Variants in CARD14 observed in about 807,000 individuals in gnomAD.
The protein encoded by CARD14 is caspase recruitment domain-containing protein 14.
In CARD14, 107 loss-of-function variants were observed where a neutral mutation model predicts 111.5. The observed-to-expected ratio is 0.96, with a 90% CI of 0.82 to 1.13. The LOEUF is 1.13. Among genes scored for constraint, CARD14 ranks in the 50% most tolerant of loss-of-function variants. The pLI, the probability that CARD14 is intolerant of heterozygous loss-of-function variation, is 0.00. For missense variants in CARD14, 1,322 were observed against 1,362.3 expected (o/e 0.97, Z 0.47); for synonymous variants, 617 against 579.6 (o/e 1.06, Z -0.93).
In CARD14 at chr17:80,192,605, G is replaced by A. The variant is rs760691842; in HGVS notation, c.1342G>A (p.Val448Ile). The A allele has an allele frequency of 3.5e-5, 56 of 1,612,614 alleles. No individual in the cohort carries two copies. The highest frequency in any genetic ancestry group is 1.7e-4 in the Middle Eastern group (1 of 5,918). ...CPRDDSDCSL[V>I]SSTESQLLSD... ...CAGAGACGACAGCGACTGCAGCCTC[G>A]TCAGCTCCACAGAGGTACGGCCGCT... The change falls in exon 12 of 24, where the codon GTC becomes ATC. Residue 448 changes from valine to isoleucine, a missense_variant. Coordinates refer to ENST00000648509, the MANE Select transcript of CARD14 (RefSeq NM_001366385.1).
At position 80,202,373 on chromosome 17, in the gene CARD14, C is replaced by T. The variant is rs141122143; in HGVS notation, c.2172C>T (p.Tyr724=). 12 of 1,613,254 alleles carry T rather than the reference C, an allele frequency of 7.4e-6. No individual in the cohort carries two copies. In the African/African-American group the frequency reaches 1.1e-4, roughly 14 times the overall value. Residue 724 remains tyrosine (Y), a synonymous_variant, in exon 18 of 24, where the codon TAC becomes TAT. Coordinates refer to ENST00000648509, the MANE Select transcript of CARD14 (RefSeq NM_001366385.1). ...GGCATGCCCACCGCGTGAACTCTTA[C>T]ACCATGAAGGATACTGCCGCGCACG... ...GCWHAHRVNS[Y]TMKDTAAHGT...
At chr17:80,190,250 C>G (rs1352941169) in intron 9 of CARD14, among the ~76,000 whole-genome samples, 1 of 152,020 alleles carries the variant, frequency 6.6e-6, no homozygotes, top group Non-Finnish European at 1.5e-5. Context: ...ATGCAACATC[C>G]CCTCATTGTT....
At chr17:80,177,796 T>A (rs565429486) in intron 2 of CARD14, among the ~76,000 whole-genome samples, 1 of 152,214 alleles carries the variant, frequency 6.6e-6, no homozygotes, top group South Asian at 2.1e-4. Flanking sequence ...CTGCCCGCCT[T>A]GGCCTTTCAA....
Position 80,203,758 on chromosome 17 carries a change from C to T in CARD14, c.2220-64C>T. The T allele has an allele frequency of 7.4e-7, 1 of 1,344,912 alleles. No homozygotes were observed. Among genetic ancestry groups the T allele is most frequent in the Non-Finnish European group, 1.0e-6 (1 of 967,942 alleles). 83.3% of individuals were successfully genotyped at this position (1,344,912 alleles called of 1,614,324 possible). Reference sequence around the variant, plus strand: ...ATCTCCCCCACTCTCCCCTGCTCGGCTCTCCCCTGCCCTGCTCACCTGGCA... The same window carrying T: ...ATCTCCCCCACTCTCCCCTGCTCGGTTCTCCCCTGCCCTGCTCACCTGGCA... On this transcript the variant is annotated intron_variant, in intron 18 of 23. Transcript: ENST00000648509. This position sits in a 1 kb window ranked among gnomAD's most constrained non-coding sequence, Gnocchi z 4.6.
chr17:80,183,836 T>TCACATGCTCACCTACCCACCTGCC, intron 6 of CARD14, 77 bp from the exon 7 acceptor site: 1 of 1,206,140 alleles, frequency 8.3e-7, no homozygotes, highest in Non-Finnish European at 1.1e-6. Flanking sequence ...GCCCACCTGC[T>TCACATGCTCACCTACCCACCTGCC]CACCTGCTCA....
Position 80,198,927 on chromosome 17 carries a change from G to A in CARD14, c.1851+336G>A, listed in dbSNP as rs565311057. On this transcript the variant is annotated intron_variant, in intron 16 of 23. Coordinates refer to ENST00000648509, the MANE Select transcript of CARD14 (RefSeq NM_001366385.1). The surrounding 1 kb of genome is among the most constrained non-coding windows in gnomAD (Gnocchi z 7.5). The stretch of plus-strand genomic sequence containing the variant: ...CATAAAATTCACTATTTTAACCACT[G>A]GGGCATTTCTTTTCTTTCTTTTTTT... 3.3e-5 allele frequency: 40 copies of A among 1,196,348 alleles called. No homozygotes were observed. Among genetic ancestry groups the A allele is most frequent in the African/African-American group, 1.1e-4 (7 of 63,390 alleles). 74.1% of individuals were successfully genotyped at this position (1,196,348 alleles called of 1,614,324 possible). A position where few individuals can be genotyped will look rare whatever the true frequency, so the allele number is the denominator to read the frequency against.
intron 4 of CARD14, among the ~76,000 whole-genome samples, 185 bp downstream of exon 4, chr17:80,179,486 C>A (rs985383295): frequency 1.3e-5 from 2 of 152,144 alleles, no homozygotes; most frequent in Admixed American, 6.5e-5. Context: ...GCTGTCTGCA[C>A]GAAGTATCAT....
At position 80,205,220 on chromosome 17, in the gene CARD14, G is replaced by A. The variant is rs193239400; in HGVS notation, c.2569+15G>A. 90 of 1,604,058 alleles carry A rather than the reference G, an allele frequency of 5.6e-5. No homozygotes were observed. The East Asian group carries it at 2.0e-3, about 35-fold the overall frequency. ...GTGCCTGGCAGGTATGCTGTTGCCT[G>A]GGAATCCCTCTACCCCTTCCACCTT... On this transcript the variant is annotated intron_variant, in intron 21 of 23. Coordinates refer to ENST00000648509, the MANE Select transcript of CARD14 (RefSeq NM_001366385.1).
At position 80,182,633 on chromosome 17, in the gene CARD14, A is replaced by T; in HGVS notation, c.212-20A>T. 6.2e-7 allele frequency: 1 copy of T among 1,613,522 alleles called. No individual in the cohort carries two copies. The highest frequency in any genetic ancestry group is 8.5e-7 in the Non-Finnish European group (1 of 1,179,794). ...CTTGGTAGCTGGGTTCTGCCCAGAC[A>T]GACGGTTCTGCCTCCCAAGGGCACT... On this transcript the variant is annotated intron_variant, in intron 5 of 23. Coordinates refer to ENST00000648509, the MANE Select transcript of CARD14 (RefSeq NM_001366385.1). This position sits in a 1 kb window ranked among gnomAD's most constrained non-coding sequence, Gnocchi z 4.7.
In CARD14 at chr17:80,177,059, G is replaced by A. The variant is rs117438978; in HGVS notation, c.-366-1449G>A. Among the ~76,000 whole-genome samples, 92 of 152,300 alleles carry A rather than the reference G, an allele frequency of 6.0e-4. 1 individual carries two copies. The East Asian group carries it at 0.015, about 24-fold the overall frequency. Reference sequence around the variant, plus strand: ...GGCCAGAAGTCCACACTCCAGGGGTGAGCAGGGCCGCACCCCCATGAAGGC... The same window carrying A: ...GGCCAGAAGTCCACACTCCAGGGGTAAGCAGGGCCGCACCCCCATGAAGGC... On this transcript the variant is annotated intron_variant, in intron 2 of 23. Coordinates refer to ENST00000648509, the MANE Select transcript of CARD14 (RefSeq NM_001366385.1).
At position 80,198,519 on chromosome 17, in the gene CARD14, C is replaced by G; in HGVS notation, c.1779C>G (p.Ile593Met). 6 of 1,613,284 alleles carry G rather than the reference C, an allele frequency of 3.7e-6. No individual in the cohort carries two copies. The highest frequency in any genetic ancestry group is 4.2e-6 in the Non-Finnish European group (5 of 1,179,926). ...ISVIGGNLTG[I>M]FIHRVTPGSA... Reference sequence around the variant, plus strand: ...TCATCGGCGGGAACCTCACGGGCATCTTCATCCACCGGGTCACCCCGGGCT... The same window carrying G: ...TCATCGGCGGGAACCTCACGGGCATGTTCATCCACCGGGTCACCCCGGGCT... The change falls in exon 16 of 24, where the codon ATC (isoleucine) becomes ATG (methionine). Residue 593 changes from isoleucine (I) to methionine (M), a missense_variant. Ile to Met is a conservative substitution (Grantham distance 10). Coordinates refer to ENST00000648509, the MANE Select transcript of CARD14 (RefSeq NM_001366385.1). This position sits in a 1 kb window ranked among gnomAD's most constrained non-coding sequence, Gnocchi z 7.5.
At chr17:80,199,396 A>G (rs990932134) in intron 16 of CARD14, among the ~76,000 whole-genome samples, 8 of 151,666 alleles carry the variant, frequency 5.3e-5, no homozygotes, top group African/African-American at 1.5e-4. Flanking sequence ...GATGTGGCCT[A>G]AAAGCAGAAT....
In CARD14 at chr17:80,201,396, A is replaced by G. The variant is rs1169282628; in HGVS notation, c.1852-348A>G. ...AGCACAGAATGATCCCAAGGCTAAGAAACCTCTATCTAGAATGCTCTTGAA... is the reference window on the plus strand; with the variant it reads ...AGCACAGAATGATCCCAAGGCTAAGGAACCTCTATCTAGAATGCTCTTGAA... On this transcript the variant is annotated intron_variant, in intron 16 of 23. Transcript: ENST00000648509. The surrounding 1 kb of genome is among the most constrained non-coding windows in gnomAD (Gnocchi z 5.0). The G allele has an allele frequency of 3.8e-6, 1 of 261,800 alleles. No homozygotes were observed. The highest frequency in any genetic ancestry group is 2.3e-5 in the African/African-American group (1 of 42,686). 16.2% of individuals were successfully genotyped at this position (261,800 alleles called of 1,614,324 possible). A position where few individuals can be genotyped will look rare whatever the true frequency, so the allele number is the denominator to read the frequency against.
At chr17:80,205,485 C>A (rs1284492194) in intron 21 of CARD14, 46 bp from the exon 22 acceptor site, 1 of 1,564,838 alleles carries the variant, frequency 6.4e-7, no homozygotes. Flanking sequence ...TCCCCCAGAC[C>A]CCCACACAGC....
chr17:80,205,725 G>A, intron 22 of CARD14, 73 bp downstream of exon 22: 8 of 1,448,044 alleles, frequency 5.5e-6, no homozygotes, highest in Non-Finnish European at 7.3e-6. Context: ...AGGGGGATGA[G>A]ATAAAGGTAC....
chr17:80,181,708 C>A, intron 5 of CARD14, 59 bp downstream of exon 5: 4 of 1,415,528 alleles, frequency 2.8e-6, no homozygotes, highest in Non-Finnish European at 3.8e-6. Context: ...CATGGCTCCA[C>A]TGTCTGCCTC....
At chr17:80,196,425 A>C (rs755340) in intron 14 of CARD14, 1 of 152,118 alleles carries the variant, frequency 6.6e-6, no homozygotes, top group African/African-American at 2.4e-5. Context: ...AGATGAGAAG[A>C]GGGGCTTATT....
chr17:80,208,396 G>T lies in CARD14; in HGVS notation c.*51G>T. 6.8e-7 allele frequency: 1 copy of T among 1,474,300 alleles called. No homozygotes were observed. Among genetic ancestry groups the T allele is most frequent in the Non-Finnish European group, 9.2e-7 (1 of 1,088,906 alleles). 91.3% of individuals were successfully genotyped at this position (1,474,300 alleles called of 1,614,324 possible). On this transcript the variant is annotated 3_prime_UTR_variant, in exon 24 of 24. Transcript: ENST00000648509. ...TGGGGGCTTCTGTGTGCCTGTTAAT[G>T]CAGTCCTGTTCCTCAGCCCAGGCCC...
At position 80,204,257 on chromosome 17, in the gene CARD14, C is replaced by T. The variant is rs577478029; in HGVS notation, c.2314C>T (p.Arg772Cys). 3.6e-5 allele frequency: 57 copies of T among 1,597,530 alleles called. No homozygotes were observed. The highest frequency in any genetic ancestry group is 4.5e-5 in the Non-Finnish European group (52 of 1,167,164). Residue 772 changes from arginine (R) to cysteine (C), a missense_variant, in exon 20 of 24, where the codon CGC becomes TGC. By Grantham distance (180) the Arg-to-Cys change is radical. Transcript: ENST00000648509. ...TTCTGGGGGACCACAGAAGCTGGTC[C>T]GCATCGTCAGTATGGACAAAGCCAA... is the stretch of plus-strand genomic sequence containing the variant. The part of the protein sequence containing the change: ...PSSGGPQKLV[R>C]IVSMDKAKAS...
Sources: gnomAD v4.1 joint callset for allele counts (sites outside exome capture counted in the v4.1 genomes callset) on GRCh38, gnomAD v4.1.1 for gene constraint, Gnocchi (gnomAD v3.1) non-coding constraint, MANE v1.5 for transcripts, NCBI Gene and HGNC (gene_info 2026-07-23, HGNC 2026-07-21) for gene names.